HMGB4: variants seen among roughly 807,000 people sequenced by gnomAD.
HMGB4 encodes high mobility group protein B4.
For missense variants in HMGB4, 217 were observed against 220.4 expected, an observed-to-expected ratio of 0.98 and a Z score of 0.10; for synonymous variants, 82 against 84.9, an observed-to-expected ratio of 0.97 and a Z score of 0.19.
In HMGB4 at chr1:33,864,312, T is replaced by G. The variant is rs773107466; in HGVS notation, c.121T>G (p.Phe41Val). The change falls in exon 1 of 1, where the codon TTC becomes GTC. Residue 41 changes from phenylalanine (F) to valine (V), a missense_variant. Physicochemically the swap from Phe to Val is conservative, Grantham distance 50. Coordinates refer to ENST00000681531, the MANE Select transcript of HMGB4 (RefSeq NM_001379301.1). ...QPNTYVGFKE[F>V]SRKCSEKWRS... ...AAATACCTATGTTGGCTTTAAAGAG[T>G]TCTCTAGAAAGTGTTCGGAAAAATG... 1 of 1,613,734 alleles carries G rather than the reference T, an allele frequency of 6.2e-7. No individual in the cohort carries two copies. The highest frequency in any genetic ancestry group is 8.5e-7 in the Non-Finnish European group (1 of 1,179,836).
upstream of HMGB4, chr1:33,862,081 A>C (rs1034775941): frequency 1.3e-5 from 2 of 152,296 alleles, no homozygotes; most frequent in African/African-American, 4.8e-5. Context: ...GGGATCTGGA[A>C]GGGCAACTCT....
upstream of HMGB4, chr1:33,863,984 G>C (rs1479368432): frequency 1.8e-6 from 1 of 557,192 alleles, no homozygotes; most frequent in African/African-American, 1.9e-5. Flanking sequence ...TGTTGGCTGG[G>C]ATTGGCTGGC....
Position 33,864,720 on chromosome 1 carries a change from C to T in HMGB4, c.529C>T (p.Arg177Trp), listed in dbSNP as rs145091069. 5.7e-4 allele frequency: 912 copies of T among 1,612,432 alleles called. 10 individuals carry two copies. In the East Asian group the frequency reaches 0.012, roughly 21 times the overall value. ...RKKYRMSARN[R>W]CRGKRVRQS is the part of the protein sequence containing the mutation. Reference sequence around the variant, plus strand: ...GAAGTACCGAATGTCAGCTAGAAACCGGTGCAGAGGGAAAAGAGTCAGGCA... The same window carrying T: ...GAAGTACCGAATGTCAGCTAGAAACTGGTGCAGAGGGAAAAGAGTCAGGCA... The change falls in exon 1 of 1, where the codon CGG becomes TGG. Residue 177 changes from arginine to tryptophan, a missense_variant. By Grantham distance (101) the Arg-to-Trp change is moderately radical (BLOSUM62 -3). Transcript: ENST00000681531.
upstream of HMGB4, chr1:33,863,016 A>C (rs1639662899): frequency 6.6e-6 from 1 of 152,206 alleles, no homozygotes; most frequent in Non-Finnish European, 1.5e-5. Flanking sequence ...TGCAGGCAGG[A>C]TGAAGCACAG....
upstream of HMGB4, chr1:33,864,061 C>T: frequency 3.6e-6 from 3 of 832,772 alleles, no homozygotes; most frequent in Admixed American, 2.4e-5. Flanking sequence ...AAGGCTGAGC[C>T]CTGACTACAG....
At chr1:33,862,639 C>T (rs543161589), upstream of HMGB4, 1 of 152,390 alleles carries the variant, frequency 6.6e-6, no homozygotes, top group Non-Finnish European at 1.5e-5. Flanking sequence ...CTAGCCCAGA[C>T]TTCCTTGATG....
Sources: gnomAD v4.1 joint callset for allele counts on GRCh38, gnomAD v4.1.1 for gene constraint, MANE v1.5 for transcripts, NCBI Gene and HGNC (gene_info 2026-07-23, HGNC 2026-07-21) for gene names.